Variants in CHKA observed in about 807,000 individuals in gnomAD.
CHKA encodes the protein choline kinase alpha.
In CHKA, 34 loss-of-function variants were observed where a neutral mutation model predicts 60.1. The observed-to-expected ratio is 0.57, with a 90% confidence interval of 0.43 to 0.75. The LOEUF (loss-of-function observed/expected upper bound fraction) is 0.75, where lower values mean the gene tolerates loss of function less well. CHKA is among the 30% of genes least tolerant of loss of function. The pLI is 0.00. For synonymous variants in CHKA, 217 were observed against 223.1 expected (o/e 0.97, Z 0.24); for missense variants, 563 against 561.3 (o/e 1.00, Z -0.03).
At chr11:68,065,952 CCT>C (rs1856429488) in intron 8 of CHKA, 58 bp from the exon 9 acceptor site, 1 of 1,223,850 alleles carries the variant, frequency 8.2e-7, no homozygotes, top group African/African-American at 1.5e-5. Flanking sequence ...CTGGAGGCTC[CCT>C]GACTGCAGAA....
In CHKA at chr11:68,066,474, T is replaced by C; in HGVS notation, c.971A>G (p.Gln324Arg). Residue 324 changes from glutamine (Q) to arginine (R), a missense_variant, in exon 8 of 12, where the codon CAG becomes CGG. Transcript: ENST00000265689. ...TTCGAAATCAATGAGCATCAGTTTC[T>C]GTTTTTCAGAATTCTCTCGGCCTTC... The part of the protein sequence containing the change: ...LLEGRENSEK[Q>R]KLMLIDFEYS... 4 of 1,614,242 alleles carry C rather than the reference T, an allele frequency of 2.5e-6. No homozygotes were observed. Among genetic ancestry groups the C allele is most frequent in the Non-Finnish European group, 3.4e-6 (4 of 1,180,024 alleles).
At chr11:68,082,564 G>A (rs1393615939) in intron 2 of CHKA, 1 of 152,492 alleles carries the variant, frequency 6.6e-6, no homozygotes, top group African/African-American at 2.4e-5. Context: ...AAAATGCCAC[G>A]TTAAGCAACA....
At chr11:68,089,149 G>C (rs1222724796) in intron 2 of CHKA, among the ~76,000 whole-genome samples, 1 of 152,192 alleles carries the variant, frequency 6.6e-6, no homozygotes, top group Non-Finnish European at 1.5e-5. Context: ...CCAGCAGAAA[G>C]ACAGGTGAGT....
chr11:68,107,000 T>A (rs551721153), intron 1 of CHKA, among the ~76,000 whole-genome samples: 2 of 152,252 alleles, frequency 1.3e-5, no homozygotes, highest in Middle Eastern at 3.4e-3. Context: ...ATACCTGTAA[T>A]CCCAGCACTT....
At chr11:68,088,017 G>T (rs1201600650) in intron 2 of CHKA, among the ~76,000 whole-genome samples, 1 of 146,570 alleles carries the variant, frequency 6.8e-6, no homozygotes, top group East Asian at 2.0e-4. Flanking sequence ...GGGGACTGAG[G>T]CATAAGAATC....
chr11:68,103,475 T>A (rs1167757061), intron 1 of CHKA, among the ~76,000 whole-genome samples: 2 of 151,980 alleles, frequency 1.3e-5, no homozygotes, highest in Non-Finnish European at 2.9e-5. Context: ...TTGACAAGGA[T>A]GTGGAGAAAA....
At chr11:68,073,637 A>G (rs917831898) in intron 4 of CHKA, among the ~76,000 whole-genome samples, 1 of 152,186 alleles carries the variant, frequency 6.6e-6, no homozygotes, top group African/African-American at 2.4e-5. Flanking sequence ...CTAGAAGAGG[A>G]TACCTCTTCT....
At chr11:68,068,230 G>C (rs565413540) in intron 7 of CHKA, among the ~76,000 whole-genome samples, 5 of 152,210 alleles carry the variant, frequency 3.3e-5, no homozygotes, top group African/African-American at 1.2e-4. Context: ...TGCAGAAGGG[G>C]GAAGGGCCCG....
intron 1 of CHKA, among the ~76,000 whole-genome samples, chr11:68,102,862 T>C (rs1338648930): frequency 1.3e-5 from 2 of 151,888 alleles, no homozygotes; most frequent in South Asian, 2.1e-4. Flanking sequence ...AGGAAACCAA[T>C]TAAAAAATGG....
In CHKA at chr11:68,074,829, C is replaced by T; in HGVS notation, c.518G>A (p.Gly173Glu). The T allele has an allele frequency of 6.2e-7, 1 of 1,614,120 alleles. No homozygotes were observed. Among genetic ancestry groups the T allele is most frequent in the Non-Finnish European group, 8.5e-7 (1 of 1,180,008 alleles). ...GCTCTCCAGAACCATGGCCTCAGCC[C>T]CCTAAAACAGATGGCAACAAATCAG... ...EQAQKENEFQ[G>E]AEAMVLESVM... The change falls in exon 4 of 12, where the codon GGG becomes GAG. Residue 173 changes from glycine (G) to glutamate (E), a missense_variant and splice_region_variant. Gly to Glu is a moderately conservative substitution (Grantham distance 98). Transcript: ENST00000265689.
chr11:68,065,975 C>CT (rs1459463453), intron 8 of CHKA, 81 bp from the exon 9 acceptor site: 1 of 1,017,242 alleles, frequency 9.8e-7, no homozygotes, highest in Admixed American at 2.0e-5. Flanking sequence ...GAAAGAAAGG[C>CT]TGAGTTCCGA....
intron 1 of CHKA, among the ~76,000 whole-genome samples, chr11:68,113,312 C>T (rs1399026128): frequency 6.6e-6 from 1 of 151,958 alleles, no homozygotes; most frequent in African/African-American, 2.4e-5. Context: ...GAAAAAGACA[C>T]AAACTGACAT....
In CHKA at chr11:68,104,284, T is replaced by C. The variant is rs188773184; in HGVS notation, c.351-7154A>G. ...CTCACTTGTGTAGAATCTAAAAAAGTTGATCTCATAGAAGTTGAGAATAGT... is the reference window on the plus strand; with the variant it reads ...CTCACTTGTGTAGAATCTAAAAAAGCTGATCTCATAGAAGTTGAGAATAGT... On this transcript the variant is annotated intron_variant, in intron 1 of 11. Coordinates refer to ENST00000265689, the MANE Select transcript of CHKA (RefSeq NM_001277.3). Among the ~76,000 whole-genome samples, 39 of 152,072 alleles carry C rather than the reference T, an allele frequency of 2.6e-4. No homozygotes were observed. The East Asian group carries it at 6.2e-3, about 24-fold the overall frequency.
At chr11:68,118,118 C>T (rs1459148824) in intron 1 of CHKA, among the ~76,000 whole-genome samples, 1 of 152,138 alleles carries the variant, frequency 6.6e-6, no homozygotes, top group Non-Finnish European at 1.5e-5. Context: ...ACTGCAGATG[C>T]ACTGGCACTC....
intron 2 of CHKA, among the ~76,000 whole-genome samples, chr11:68,086,222 G>A (rs984470367): frequency 4.6e-5 from 7 of 152,038 alleles, no homozygotes; most frequent in African/African-American, 1.4e-4. Context: ...GCTGAGGCAG[G>A]AGAATCACTT....
intron 3 of CHKA, among the ~76,000 whole-genome samples, chr11:68,080,853 C>T (rs1001227026): frequency 1.3e-5 from 2 of 152,244 alleles, no homozygotes; most frequent in African/African-American, 2.4e-5. Flanking sequence ...GAGGCTCCAT[C>T]GGTCAGTGCT....
At chr11:68,076,812 T>C (rs1024544145) in intron 3 of CHKA, among the ~76,000 whole-genome samples, 1 of 152,118 alleles carries the variant, frequency 6.6e-6, no homozygotes, top group African/African-American at 2.4e-5. Flanking sequence ...GTAAGAACTT[T>C]CCAATTCTCT....
intron 1 of CHKA, among the ~76,000 whole-genome samples, chr11:68,108,657 T>C (rs1858011810): frequency 6.6e-6 from 1 of 151,964 alleles, no homozygotes; most frequent in Non-Finnish European, 1.5e-5. Context: ...GGCAAGAGAA[T>C]GGCGTGAACC....
chr11:68,056,735 A>G (rs1167564685), intron 11 of CHKA, among the ~76,000 whole-genome samples: 1 of 152,112 alleles, frequency 6.6e-6, no homozygotes, highest in Non-Finnish European at 1.5e-5. Context: ...TTAGCTAGGC[A>G]TGGTGGCGGA....
Sources: gnomAD v4.1 joint callset for allele counts (sites outside exome capture counted in the v4.1 genomes callset) on GRCh38, gnomAD v4.1.1 for gene constraint, MANE v1.5 for transcripts, NCBI Gene and HGNC (gene_info 2026-07-23, HGNC 2026-07-21) for gene names.